SPAG16: variants seen among roughly 807,000 people sequenced by gnomAD.
The protein encoded by SPAG16 is sperm-associated antigen 16 protein.
In SPAG16, 86 loss-of-function variants were observed where a neutral mutation model predicts 80.4. The observed-to-expected ratio is 1.07, with a 90% CI of 0.90 to 1.28. The LOEUF is 1.28. Ranked by LOEUF, SPAG16 falls within the 50% of genes most tolerant of loss-of-function variation. The pLI is 0.00. For synonymous variants in SPAG16, 294 were observed against 265.9 expected (o/e 1.11, Z -1.03); for missense variants, 870 against 765.3 (o/e 1.14, Z -1.61).
chr2:213,308,150 A>G (rs142762077), intron 3 of SPAG16, among the ~76,000 whole-genome samples: 1 of 152,110 alleles, frequency 6.6e-6, no homozygotes, highest in Admixed American at 6.6e-5. Flanking sequence ...TATTTTTTTA[A>G]TTTTATTTTT....
chr2:213,491,345 G>T (rs2074226008), intron 10 of SPAG16, among the ~76,000 whole-genome samples: 1 of 152,090 alleles, frequency 6.6e-6, no homozygotes, highest in Admixed American at 6.5e-5. Flanking sequence ...ATTTCAATTT[G>T]TCATTTCTTT....
At chr2:213,413,583 A>G (rs565942418) in intron 9 of SPAG16, among the ~76,000 whole-genome samples, 2 of 152,274 alleles carry the variant, frequency 1.3e-5, no homozygotes, top group South Asian at 2.1e-4. Flanking sequence ...AATATTATTT[A>G]TATTTTAAAT....
At chr2:213,592,935 T>A (rs2060754517) in intron 10 of SPAG16, among the ~76,000 whole-genome samples, 1 of 152,218 alleles carries the variant, frequency 6.6e-6, no homozygotes, top group African/African-American at 2.4e-5. Flanking sequence ...TATTGTAATG[T>A]ATTTTAATGA....
intron 10 of SPAG16, among the ~76,000 whole-genome samples, chr2:213,856,286 G>A (rs1172376004): frequency 3.3e-5 from 5 of 152,156 alleles, no homozygotes; most frequent in Non-Finnish European, 7.4e-5. Flanking sequence ...CCATAGCCTT[G>A]GGCAGCTCCA....
At chr2:213,909,845 T>G (rs1261739283) in intron 11 of SPAG16, among the ~76,000 whole-genome samples, 1 of 152,188 alleles carries the variant, frequency 6.6e-6, no homozygotes, top group Admixed American at 6.6e-5. Flanking sequence ...CAGCCAGAAG[T>G]GCTGTATCAA....
chr2:213,721,575 A>G (rs1164227115), intron 10 of SPAG16, among the ~76,000 whole-genome samples: 2 of 152,192 alleles, frequency 1.3e-5, no homozygotes, highest in Admixed American at 1.3e-4. Flanking sequence ...ATATGATACC[A>G]CTTTTCCTCT....
chr2:214,261,203 G>GTAAA (rs1691150765), intron 15 of SPAG16, among the ~76,000 whole-genome samples: 1 of 144,256 alleles, frequency 6.9e-6, no homozygotes, highest in Non-Finnish European at 1.5e-5. Flanking sequence ...CCTCAGGACT[G>GTAAA]TAAATACCTC....
chr2:213,719,531 C>T (rs1000493342), intron 10 of SPAG16, among the ~76,000 whole-genome samples: 3 of 152,200 alleles, frequency 2.0e-5, no homozygotes, highest in Non-Finnish European at 2.9e-5. Flanking sequence ...GGCCACTTGG[C>T]TCTACCAATC....
At chr2:213,559,418 G>A (rs927411330) in intron 10 of SPAG16, among the ~76,000 whole-genome samples, 3 of 152,010 alleles carry the variant, frequency 2.0e-5, no homozygotes, top group Non-Finnish European at 4.4e-5. Context: ...AGAAACAAGA[G>A]GAAGGAGAAA....
intron 15 of SPAG16, among the ~76,000 whole-genome samples, chr2:214,312,387 C>CT (rs1270551028): frequency 1.9e-4 from 29 of 152,118 alleles, no homozygotes; most frequent in Non-Finnish European, 3.8e-4. Context: ...TCATTATATC[C>CT]TTTTTATCAT....
intron 15 of SPAG16, among the ~76,000 whole-genome samples, chr2:214,220,070 CAT>C (rs2058528331): frequency 6.6e-6 from 1 of 151,944 alleles, no homozygotes; most frequent in African/African-American, 2.4e-5. Context: ...AACATATCAA[CAT>C]ATTAACTTTA....
At chr2:213,637,182 G>A (rs953332701) in intron 10 of SPAG16, among the ~76,000 whole-genome samples, 5 of 152,070 alleles carry the variant, frequency 3.3e-5, no homozygotes, top group African/African-American at 4.8e-5. Flanking sequence ...GGATTTTGTC[G>A]AATGCTTTTT....
At chr2:213,471,346 T>C (rs4507042) in intron 9 of SPAG16, among the ~76,000 whole-genome samples, 3,533 of 152,204 alleles carry the variant, frequency 0.023, 58 homozygotes, top group South Asian at 0.038. Context: ...TATATACCAC[T>C]TCCATTTGAT....
chr2:213,794,527 A>T (rs1035242903), intron 10 of SPAG16, among the ~76,000 whole-genome samples: 2 of 151,926 alleles, frequency 1.3e-5, no homozygotes, highest in African/African-American at 4.8e-5. Context: ...TATGTTGATT[A>T]TATCATTTGT....
chr2:213,643,300 A>G (rs2062673854), intron 10 of SPAG16, among the ~76,000 whole-genome samples: 1 of 133,232 alleles, frequency 7.5e-6, no homozygotes, highest in Non-Finnish European at 1.6e-5. Flanking sequence ...CCTGGCCTAT[A>G]AAGGTTTCCA....
intron 5 of SPAG16, among the ~76,000 whole-genome samples, chr2:213,325,780 C>T (rs1388163123): frequency 6.6e-6 from 1 of 151,846 alleles, no homozygotes; most frequent in East Asian, 1.9e-4. Context: ...TTATGCCCTT[C>T]ATATTGAATT....
At chr2:214,336,512 C>G (rs971555644) in intron 15 of SPAG16, among the ~76,000 whole-genome samples, 5 of 152,076 alleles carry the variant, frequency 3.3e-5, no homozygotes, top group Non-Finnish European at 7.4e-5. Context: ...ACAAATGAAA[C>G]TAGCTTAGAA....
In SPAG16 at chr2:213,896,222, C is replaced by T. The variant is rs545204401; in HGVS notation, c.1214+33594C>T. ...TACTCATCACTAATCATCAGAGAAA[C>T]ACAAATCAAAACTATAATATATCAA... On this transcript the variant is annotated intron_variant, in intron 11 of 15. Coordinates refer to ENST00000331683, the MANE Select transcript of SPAG16 (RefSeq NM_024532.5). Among the ~76,000 whole-genome samples, 3 of 151,898 alleles carry T rather than the reference C, an allele frequency of 2.0e-5. No individual in the cohort carries two copies. In the East Asian group the frequency reaches 5.8e-4, roughly 29 times the overall value.
In SPAG16 at chr2:214,038,588, A is replaced by G. The variant is rs185027705; in HGVS notation, c.1527+24511A>G. ...TTAAGTTTTAGGGTACATGTGCACA[A>G]TGTGCAGGTTAGTTACATATATATA... On this transcript the variant is annotated intron_variant, in intron 13 of 15. Transcript: ENST00000331683. Among the ~76,000 whole-genome samples, 26 of 152,142 alleles carry G rather than the reference A, an allele frequency of 1.7e-4. No homozygotes were observed. The East Asian group carries it at 5.0e-3, about 29-fold the overall frequency.
Sources: allele counts gnomAD v4.1 joint callset (sites outside exome capture counted in the v4.1 genomes callset), GRCh38; gene constraint gnomAD v4.1.1; transcripts MANE v1.5; gene names NCBI Gene and HGNC (gene_info 2026-07-23, HGNC 2026-07-21).